The following GSG1L variants were observed in gnomAD, a reference collection of about 807,000 sequenced individuals.
GSG1L encodes germ cell-specific gene 1-like protein.
A neutral mutation model predicts 42.1 loss-of-function variants in GSG1L; 24 were observed. The ratio of observed to expected loss-of-function variants is 0.57; its 90% confidence interval spans 0.41 to 0.80. The LOEUF (loss-of-function observed/expected upper bound fraction) is 0.80, where lower values mean the gene tolerates loss of function less well. Among genes scored for constraint, GSG1L ranks in the 30% least tolerant of loss-of-function variants. The probability of loss-of-function intolerance (pLI) is 0.00; values close to 1 mark genes in which losing one functional copy is unlikely to be tolerated. For synonymous variants in GSG1L, 215 were observed against 203.5 expected, an observed-to-expected ratio of 1.06 and a Z score of -0.48; for missense variants, 445 against 472.2, an observed-to-expected ratio of 0.94 and a Z score of 0.53.
At chr16:27,949,865 C>A (rs979568883) in intron 2 of GSG1L, among the ~76,000 whole-genome samples, 4 of 152,168 alleles carry the variant, frequency 2.6e-5, no homozygotes, top group African/African-American at 7.2e-5. Context: ...GCAGAGCTTG[C>A]GGTGAGCCGA....
At chr16:28,026,928 A>C (rs1384661164) in intron 1 of GSG1L, among the ~76,000 whole-genome samples, 1 of 152,142 alleles carries the variant, frequency 6.6e-6, no homozygotes, top group African/African-American at 2.4e-5. Context: ...CTAAAAATAC[A>C]AAAATTAGCC....
chr16:28,015,940 C>G (rs2085775221), intron 1 of GSG1L, among the ~76,000 whole-genome samples: 1 of 152,176 alleles, frequency 6.6e-6, no homozygotes, highest in African/African-American at 2.4e-5. Flanking sequence ...TCCTTCCCAC[C>G]TCTGCTGAAA....
At position 28,059,039 on chromosome 16, in the gene GSG1L, G is replaced by A. The variant is rs532200143; in HGVS notation, c.349+4037C>T. Among the ~76,000 whole-genome samples, 45 of 152,258 alleles carry A rather than the reference G, an allele frequency of 3.0e-4. No homozygotes were observed. The highest frequency in any genetic ancestry group is 5.4e-4 in the Non-Finnish European group (37 of 68,014). On this transcript the variant is annotated intron_variant, in intron 1 of 6. Transcript: ENST00000447459. This position sits in a 1 kb window ranked among gnomAD's most constrained non-coding sequence, Gnocchi z 4.4. The stretch of plus-strand genomic sequence containing the variant: ...GGCTGCAGAAGTCCATGGGAGACAC[G>A]GGTGGCTGTGGGTGGCTCAGCCCAG...
At chr16:27,910,126 C>CTTTT (rs11455704) in intron 2 of GSG1L, among the ~76,000 whole-genome samples, 1 of 136,946 alleles carries the variant, frequency 7.3e-6, no homozygotes. Flanking sequence ...TGCCTGGCTA[C>CTTTT]TTTTTTTTTT....
chr16:27,828,887 CGTCT>C lies in GSG1L; in HGVS notation c.728_731del (p.Lys243ArgfsTer23). 1 of 1,614,182 alleles carries C rather than the reference CGTCT, an allele frequency of 6.2e-7. No individual in the cohort carries two copies. Among genetic ancestry groups the C allele is most frequent in the South Asian group, 1.1e-5 (1 of 91,084 alleles). ...TGCGCTTGTGCCGGAACTCAATGAC[CGTCT>C]TGGTGTAGGAGTTGAGCGTGGTGAC... On this transcript the variant is annotated frameshift_variant, in exon 5 of 7. Transcript: ENST00000447459. LOFTEE classifies it high-confidence loss of function.
At chr16:28,017,350 C>G (rs974086906) in intron 1 of GSG1L, among the ~76,000 whole-genome samples, 1 of 152,202 alleles carries the variant, frequency 6.6e-6, no homozygotes, top group Non-Finnish European at 1.5e-5. Context: ...GTGGGCAACA[C>G]GGACATTCAG....
intron 2 of GSG1L, among the ~76,000 whole-genome samples, chr16:27,936,706 C>G (rs2084722007): frequency 6.6e-6 from 1 of 152,194 alleles, no homozygotes; most frequent in African/African-American, 2.4e-5. Flanking sequence ...TGAACCAGAT[C>G]TTTGGTTCCT....
At chr16:27,903,204 C>A (rs1017872183) in intron 2 of GSG1L, among the ~76,000 whole-genome samples, 11 of 152,044 alleles carry the variant, frequency 7.2e-5, no homozygotes, top group African/African-American at 2.4e-4. Context: ...ATCCTGGGGG[C>A]TAGGAGCCCG....
At chr16:27,971,459 T>G (rs2085192513) in intron 1 of GSG1L, among the ~76,000 whole-genome samples, 1 of 152,230 alleles carries the variant, frequency 6.6e-6, no homozygotes, top group East Asian at 1.9e-4. Flanking sequence ...TCATTGCCAG[T>G]GTATAGAAAT....
chr16:28,058,720 T>C (rs1208960507), intron 1 of GSG1L, among the ~76,000 whole-genome samples: 3 of 150,110 alleles, frequency 2.0e-5, no homozygotes, highest in Admixed American at 6.6e-5. Flanking sequence ...ATGAAACACA[T>C]CGAATATGAC....
intron 2 of GSG1L, among the ~76,000 whole-genome samples, chr16:27,947,139 T>G (rs2084882229): frequency 6.6e-6 from 1 of 152,138 alleles, no homozygotes; most frequent in African/African-American, 2.4e-5. Context: ...TGTTTTGTTT[T>G]GTTTTGAGAC....
At chr16:27,976,661 G>A (rs887160986) in intron 1 of GSG1L, among the ~76,000 whole-genome samples, 7 of 152,204 alleles carry the variant, frequency 4.6e-5, no homozygotes, top group African/African-American at 1.7e-4. Flanking sequence ...CACCTGCCAC[G>A]AGGCAGCAGA....
chr16:27,954,320 A>C (rs999297333), intron 2 of GSG1L, among the ~76,000 whole-genome samples: 18 of 152,210 alleles, frequency 1.2e-4, no homozygotes, highest in African/African-American at 4.3e-4. Context: ...AAAAGCTAGA[A>C]ATTTCATGAA....
intron 2 of GSG1L, among the ~76,000 whole-genome samples, chr16:27,891,884 CTTTTTTTTTTTTTT>C (rs60746199): frequency 4.0e-5 from 3 of 74,348 alleles, no homozygotes; most frequent in African/African-American, 1.3e-4. Context: ...AGTGACAGAT[CTTTTTTTTTTTTTT>C]TTTTTTTTTT....
At chr16:27,896,519 T>C (rs1036727933) in intron 2 of GSG1L, among the ~76,000 whole-genome samples, 1 of 152,198 alleles carries the variant, frequency 6.6e-6, no homozygotes, top group African/African-American at 2.4e-5. Context: ...CGTTTACCTA[T>C]GTAACAAACC....
chr16:27,876,372 A>G (rs1447145189), intron 3 of GSG1L, among the ~76,000 whole-genome samples: 1 of 152,162 alleles, frequency 6.6e-6, no homozygotes, highest in East Asian at 1.9e-4. Flanking sequence ...AATGCCAAGG[A>G]ATTAAGAAGT....
At chr16:27,998,541 A>G (rs2085544854) in intron 1 of GSG1L, 1 of 152,498 alleles carries the variant, frequency 6.6e-6, no homozygotes, top group African/African-American at 2.4e-5. Flanking sequence ...TAATGCCAGC[A>G]TTTTGGGAGG....
intron 2 of GSG1L, among the ~76,000 whole-genome samples, chr16:27,896,668 G>C (rs2084195336): frequency 6.6e-6 from 1 of 152,190 alleles, no homozygotes; most frequent in South Asian, 2.1e-4. Flanking sequence ...GTAATCACAA[G>C]GGTCATTATG....
At chr16:28,014,442 T>G (rs61527029) in intron 1 of GSG1L, among the ~76,000 whole-genome samples, 1 of 151,972 alleles carries the variant, frequency 6.6e-6, no homozygotes, top group African/African-American at 2.4e-5. Context: ...AGAAAACAAC[T>G]GGAAAAATAC....
Sources: gnomAD v4.1 joint callset for allele counts (sites outside exome capture counted in the v4.1 genomes callset) on GRCh38, gnomAD v4.1.1 for gene constraint, Gnocchi (gnomAD v3.1) non-coding constraint, MANE v1.5 for transcripts, NCBI Gene and HGNC (gene_info 2026-07-23, HGNC 2026-07-21) for gene names.